The following SLC24A2 variants were observed in gnomAD, a reference collection of about 807,000 sequenced individuals.
SLC24A2 encodes the protein sodium/potassium/calcium exchanger 2.
In SLC24A2, 36 loss-of-function variants were observed where a neutral mutation model predicts 62.0. The observed-to-expected ratio is 0.58, with a 90% CI of 0.44 to 0.77. The LOEUF (loss-of-function observed/expected upper bound fraction) is 0.77. Ranked by LOEUF, SLC24A2 falls within the 30% of genes least tolerant of loss-of-function variation. The probability of loss-of-function intolerance (pLI) is 0.00; values close to 1 mark genes in which losing one functional copy is unlikely to be tolerated. For missense variants in SLC24A2, 846 were observed against 817.9 expected, an observed-to-expected ratio of 1.03 and a Z score of -0.42; for synonymous variants, 358 against 294.0, an observed-to-expected ratio of 1.22 and a Z score of -2.23.
the SLC24A2 span, among the ~76,000 whole-genome samples, chr9:19,975,992 C>T: frequency 3.3e-5 from 5 of 152,074 alleles, no homozygotes; most frequent in Non-Finnish European, 7.4e-5. Flanking sequence ...TGGGCTCAAG[C>T]GATCCTCCCA....
At chr9:19,762,247 A>T (rs1437583643) in intron 2 of SLC24A2, among the ~76,000 whole-genome samples, 7 of 152,142 alleles carry the variant, frequency 4.6e-5, no homozygotes, top group Non-Finnish European at 8.8e-5. Flanking sequence ...ATTTTCTCCC[A>T]TTTTGTAGGT....
rs1167694948 is a variant in SLC24A2, at chr9:19,516,384, G to C, written c.1755C>G (p.Leu585=). The change falls in exon 11 of 11, where the codon CTC becomes CTG. Residue 585 remains leucine (L), a synonymous_variant. Transcript: ENST00000341998. ...GGAATCTGTGAATGACGGTGTACAG[G>C]AGCCAGGGCAGTGGGAGCCTGTGCA... ...DITVGLPLPW[L]LYTVIHRFQP... is the part of the protein sequence containing the mutation. 2.5e-6 allele frequency: 4 copies of C among 1,613,990 alleles called. No homozygotes were observed. In the South Asian group the frequency reaches 3.3e-5, roughly 13 times the overall value.
chr9:20,074,061 G>A, the SLC24A2 span, among the ~76,000 whole-genome samples: 3 of 151,908 alleles, frequency 2.0e-5, no homozygotes, highest in Non-Finnish European at 4.4e-5. Flanking sequence ...AAGCAAGACA[G>A]TAGAAGCCTG....
At chr9:19,852,278 A>G in the SLC24A2 span, among the ~76,000 whole-genome samples, 1 of 151,498 alleles carries the variant, frequency 6.6e-6, no homozygotes, top group Non-Finnish European at 1.5e-5. Context: ...CTGTAGGTTC[A>G]CTCTGATGAT....
the SLC24A2 span, among the ~76,000 whole-genome samples, chr9:20,156,681 C>T: frequency 1.3e-5 from 2 of 151,716 alleles, no homozygotes; most frequent in African/African-American, 4.8e-5. Context: ...TTTGCCTTTC[C>T]TGTTTATACT....
intron 2 of SLC24A2, among the ~76,000 whole-genome samples, chr9:19,698,670 CA>C (rs1820266891): frequency 6.6e-6 from 1 of 152,064 alleles, no homozygotes; most frequent in Admixed American, 6.6e-5. Context: ...TAAAGAGAAA[CA>C]AAAGAAATTT....
At chr9:20,256,549 GCTACCTCTTGGGTAAC>G in the SLC24A2 span, among the ~76,000 whole-genome samples, 1 of 152,102 alleles carries the variant, frequency 6.6e-6, no homozygotes. Flanking sequence ...CTGCCCTACT[GCTACCTCTTGGGTAAC>G]TGTCCCAAGG....
intron 2 of SLC24A2, among the ~76,000 whole-genome samples, chr9:19,701,179 G>A (rs1820345566): frequency 6.6e-6 from 1 of 152,196 alleles, no homozygotes; most frequent in Admixed American, 6.5e-5. Flanking sequence ...CCTGTTAGGT[G>A]CTAGTAGATT....
At chr9:19,733,450 G>C (rs1222557460) in intron 2 of SLC24A2, among the ~76,000 whole-genome samples, 2 of 152,096 alleles carry the variant, frequency 1.3e-5, no homozygotes, top group Non-Finnish European at 2.9e-5. Context: ...GTGAAAACAG[G>C]TCTGATTTCC....
intron 2 of SLC24A2, among the ~76,000 whole-genome samples, chr9:19,775,139 G>A (rs1822808285): frequency 6.6e-6 from 1 of 152,136 alleles, no homozygotes; most frequent in Admixed American, 6.5e-5. Context: ...ATTAAATATG[G>A]CCTGGCGCCC....
the SLC24A2 span, among the ~76,000 whole-genome samples, chr9:19,935,351 T>C: frequency 6.6e-6 from 1 of 152,100 alleles, no homozygotes; most frequent in African/African-American, 2.4e-5. Context: ...AAGTCCTTGC[T>C]GCTGAAGAGG....
the SLC24A2 span, among the ~76,000 whole-genome samples, chr9:20,119,415 T>C: frequency 2.6e-5 from 4 of 152,224 alleles, no homozygotes; most frequent in East Asian, 5.8e-4. Flanking sequence ...TCCATCGATA[T>C]ATAAAACAGG....
the SLC24A2 span, among the ~76,000 whole-genome samples, chr9:19,964,331 G>A: frequency 6.6e-6 from 1 of 151,768 alleles, no homozygotes; most frequent in Non-Finnish European, 1.5e-5. Flanking sequence ...TAACTAACCT[G>A]CACATTGTGC....
chr9:19,904,972 G>GA, the SLC24A2 span, among the ~76,000 whole-genome samples: 3 of 152,102 alleles, frequency 2.0e-5, no homozygotes, highest in African/African-American at 4.8e-5. Context: ...GGAGGTAAAG[G>GA]AAAAAGGAAA....
At chr9:20,067,422 T>G in the SLC24A2 span, among the ~76,000 whole-genome samples, 1 of 152,270 alleles carries the variant, frequency 6.6e-6, no homozygotes, top group East Asian at 1.9e-4. Context: ...ATTTTTAAAT[T>G]TTTTTCAACT....
chr9:19,616,039 G>C (rs1817760638), intron 4 of SLC24A2, among the ~76,000 whole-genome samples: 1 of 121,632 alleles, frequency 8.2e-6, no homozygotes, highest in African/African-American at 3.2e-5. Context: ...CACACACACA[G>C]TTGCATATGA....
At chr9:19,834,934 G>A in the SLC24A2 span, among the ~76,000 whole-genome samples, 3 of 152,194 alleles carry the variant, frequency 2.0e-5, no homozygotes, top group Non-Finnish European at 2.9e-5. Context: ...CATTCTTAAA[G>A]AAAAGAATTT....
chr9:19,681,543 C>T (rs34609266), intron 2 of SLC24A2, among the ~76,000 whole-genome samples: 27,755 of 152,042 alleles, frequency 0.18, 2,856 homozygotes, highest in Middle Eastern at 0.24. Context: ...TAGCCTAACC[C>T]AGTTGAGGTG....
chr9:19,595,308 T>C (rs1024046763), intron 5 of SLC24A2, among the ~76,000 whole-genome samples: 3 of 152,214 alleles, frequency 2.0e-5, no homozygotes, highest in African/African-American at 7.2e-5. Flanking sequence ...TGTTGAAAAA[T>C]TCTTAGTGAC....
Sources: gnomAD v4.1 joint callset for allele counts (sites outside exome capture counted in the v4.1 genomes callset) on GRCh38, gnomAD v4.1.1 for gene constraint, MANE v1.5 for transcripts, NCBI Gene and HGNC (gene_info 2026-07-23, HGNC 2026-07-21) for gene names.